Variants in SETX observed in about 807,000 individuals in gnomAD.
SETX encodes the protein helicase senataxin.
A neutral mutation model predicts 227.2 loss-of-function variants in SETX; 90 were observed. That is an observed-to-expected ratio of 0.40 (90% confidence interval 0.33 to 0.47). SETX has a LOEUF of 0.47. Among genes scored for constraint, SETX ranks in the 20% least tolerant of loss-of-function variants. The pLI, the probability that SETX is intolerant of heterozygous loss-of-function variation, is 0.91. For synonymous variants in SETX, 1,210 were observed against 1,113.2 expected (o/e 1.09, Z -1.73); for missense variants, 3,052 against 3,181.5 (o/e 0.96, Z 0.98).
At position 132,328,508 on chromosome 9, in the gene SETX, A is replaced by G. The variant is rs368677513; in HGVS notation, c.3090T>C (p.Leu1030=). The change falls in exon 10 of 26, where the codon CTT becomes CTC. Residue 1030 remains leucine, a synonymous_variant. Transcript: ENST00000224140. ...DDDDDERILS[L]EKLTKQDKIC... ...TTTTGTCCTGTTTAGTGAGTTTCTCAAGACTCAGGATTCTTTCATCATCAT... is the reference window on the plus strand; with the variant it reads ...TTTTGTCCTGTTTAGTGAGTTTCTCGAGACTCAGGATTCTTTCATCATCAT... The G allele has an allele frequency of 1.4e-5, 23 of 1,613,828 alleles. No individual in the cohort carries two copies. In the African/African-American group the frequency reaches 2.8e-4, roughly 20 times the overall value.
At chr9:132,278,343 A>G in intron 20 of SETX, 86 bp from the exon 21 acceptor site, 1 of 1,361,142 alleles carries the variant, frequency 7.3e-7, no homozygotes, top group Admixed American at 1.7e-5. Flanking sequence ...GAGATCTAAT[A>G]CGTATATGGC....
chr9:132,274,089 A>G (rs979384685), intron 23 of SETX, among the ~76,000 whole-genome samples: 5 of 151,466 alleles, frequency 3.3e-5, no homozygotes, highest in South Asian at 2.1e-4. Context: ...ATTGATTTTC[A>G]TATGTTGAAG....
At position 132,329,929 on chromosome 9, in the gene SETX, G is replaced by A. The variant is rs1564546581; in HGVS notation, c.1669C>T (p.Arg557Ter). The change falls in exon 10 of 26, where the codon CGA (arginine) becomes TGA (stop). Residue 557 changes from arginine (R) to a stop codon, truncating the protein, a stop_gained. Coordinates refer to ENST00000224140, the MANE Select transcript of SETX (RefSeq NM_015046.7). LOFTEE classifies it high-confidence loss of function. Reference sequence around the variant, plus strand: ...AATAAGTTGAGCTTATCCCAGAATCGCTTGCAAAGAGACTGCTGCCCAAGC... The same window carrying A: ...AATAAGTTGAGCTTATCCCAGAATCACTTGCAAAGAGACTGCTGCCCAAGC... Reference protein sequence around the residue: ...YQLGQQSLCKRFWDKLNLFLR... With the variant: ...YQLGQQSLCK 6.2e-7 allele frequency: 1 copy of A among 1,614,144 alleles called. No individual in the cohort carries two copies. The highest frequency in any genetic ancestry group is 8.5e-7 in the Non-Finnish European group (1 of 1,180,022).
Position 132,263,913 on chromosome 9 carries a change from G to T in SETX, c.*326C>A. The stretch of plus-strand genomic sequence containing the variant: ...CTAGATTAAATTTTAAAAGGATTTT[G>T]TTATTTGCTATACAAATATACATTT... On this transcript the variant is annotated 3_prime_UTR_variant, in exon 26 of 26. Coordinates refer to ENST00000224140, the MANE Select transcript of SETX (RefSeq NM_015046.7). 3.5e-6 allele frequency: 1 copy of T among 283,496 alleles called. No individual in the cohort carries two copies. 17.6% of individuals were successfully genotyped at this position (283,496 alleles called of 1,614,324 possible).
At chr9:132,348,512 C>G (rs1237237772) in intron 3 of SETX, among the ~76,000 whole-genome samples, 1 of 152,002 alleles carries the variant, frequency 6.6e-6, no homozygotes, top group Non-Finnish European at 1.5e-5. Flanking sequence ...TTATTTTATA[C>G]CAATGTGACT....
intron 18 of SETX, among the ~76,000 whole-genome samples, chr9:132,285,969 C>T (rs543297041): frequency 1.3e-5 from 2 of 149,214 alleles, no homozygotes; most frequent in African/African-American, 2.5e-5. Flanking sequence ...AGGATCATGA[C>T]GTCAAGAGAT....
chr9:132,335,168 A>G (rs1265075925), intron 6 of SETX, among the ~76,000 whole-genome samples: 2 of 151,970 alleles, frequency 1.3e-5, no homozygotes, highest in East Asian at 1.9e-4. Flanking sequence ...AGGCGGGCAG[A>G]TCACAAAGTC....
At chr9:132,278,033 C>G in intron 21 of SETX, 37 bp downstream of exon 21, 1 of 1,586,860 alleles carries the variant, frequency 6.3e-7, no homozygotes, top group Non-Finnish European at 8.6e-7. Context: ...AGCTAAACTA[C>G]AACAAAATAA....
intron 23 of SETX, among the ~76,000 whole-genome samples, chr9:132,272,494 AGAGAGAGACAGAGTCTCACTGCGTTGCC>A (rs896386072): frequency 2.7e-5 from 4 of 150,836 alleles, no homozygotes; most frequent in Non-Finnish European, 5.9e-5. Context: ...AAAGAGAGAG[AGAGAGAGACAGAGTCTCACTGCGTTGCC>A]CAGGCTGGAC....
chr9:132,355,096 G>C (rs1270719281), upstream of SETX: 1 of 151,822 alleles, frequency 6.6e-6, no homozygotes, highest in Non-Finnish European at 1.5e-5. Flanking sequence ...TTCTGGTTTT[G>C]GTGCCCCCCA....
At chr9:132,345,828 G>C (rs1848254566) in intron 4 of SETX, among the ~76,000 whole-genome samples, 1 of 152,110 alleles carries the variant, frequency 6.6e-6, no homozygotes, top group South Asian at 2.1e-4. Context: ...ACCAGCCTGG[G>C]CAACAGTGAA....
chr9:132,300,824 G>A lies in SETX; in HGVS notation c.5375-21C>T, dbSNP rs185649794. On this transcript the variant is annotated intron_variant, in intron 11 of 25. Coordinates refer to ENST00000224140, the MANE Select transcript of SETX (RefSeq NM_015046.7). ...ATAAACTATGAAACAAGAAGAAGTC[G>A]GAATTCATATAACTCTAATAGAATT... 931 of 1,601,624 alleles carry A rather than the reference G, an allele frequency of 5.8e-4. 4 individuals are homozygous for A. In the African/African-American group the frequency reaches 0.011, roughly 19 times the overall value.
intron 14 of SETX, among the ~76,000 whole-genome samples, chr9:132,296,469 C>A (rs1844675496): frequency 6.6e-6 from 1 of 151,956 alleles, no homozygotes; most frequent in East Asian, 1.9e-4. Flanking sequence ...GAGGCTGAGG[C>A]AGGAGAATCA....
chr9:132,277,510 G>A (rs1272548950), intron 21 of SETX, among the ~76,000 whole-genome samples: 1 of 152,168 alleles, frequency 6.6e-6, no homozygotes, highest in African/African-American at 2.4e-5. Context: ...CAGGTGCGGT[G>A]ACTCTCGCCT....
At chr9:132,293,509 C>T (rs1382401558) in intron 15 of SETX, among the ~76,000 whole-genome samples, 1 of 152,162 alleles carries the variant, frequency 6.6e-6, no homozygotes, top group Non-Finnish European at 1.5e-5. Flanking sequence ...GCAACCTCCA[C>T]TTCCCGGGTT....
intron 15 of SETX, among the ~76,000 whole-genome samples, chr9:132,291,166 T>TA (rs1844278234): frequency 7.2e-6 from 1 of 138,640 alleles, no homozygotes; most frequent in Non-Finnish European, 1.6e-5. Context: ...AACCTTTTTT[T>TA]TTTTTTTTTT....
chr9:132,346,722 TAGG>T (rs891335537), intron 3 of SETX, among the ~76,000 whole-genome samples: 1 of 150,430 alleles, frequency 6.6e-6, no homozygotes, highest in Non-Finnish European at 1.5e-5. Context: ...AAGGCTGAGG[TAGG>T]AGGACTGTTT....
At chr9:132,321,423 G>A (rs1340073195) in intron 10 of SETX, among the ~76,000 whole-genome samples, 2 of 152,052 alleles carry the variant, frequency 1.3e-5, no homozygotes, top group Non-Finnish European at 2.9e-5. Flanking sequence ...TTGGAAGGCC[G>A]AGGTGGGTGG....
At chr9:132,334,773 T>C (rs1847485956) in intron 6 of SETX, 46 bp from the exon 7 acceptor site, 2 of 1,601,758 alleles carry the variant, frequency 1.2e-6, no homozygotes, top group South Asian at 1.1e-5. Context: ...AATAATACTA[T>C]ACTAATGCCT....
Sources: gnomAD v4.1 joint callset for allele counts (sites outside exome capture counted in the v4.1 genomes callset) on GRCh38, gnomAD v4.1.1 for gene constraint, MANE v1.5 for transcripts, NCBI Gene and HGNC (gene_info 2026-07-23, HGNC 2026-07-21) for gene names.